MAP3K5: variants seen among roughly 807,000 people sequenced by gnomAD.
The protein encoded by MAP3K5 is ASK-1.
MAP3K5 carries 56 observed loss-of-function variants against 158.7 expected under a neutral mutation model. The observed-to-expected ratio is 0.35, with a 90% CI of 0.28 to 0.44. The LOEUF is 0.44. Among genes scored for constraint, MAP3K5 ranks in the 20% least tolerant of loss-of-function variants. The pLI, the probability that MAP3K5 is intolerant of heterozygous loss-of-function variation, is 1.00. For missense variants in MAP3K5, 1,294 were observed against 1,674.8 expected (o/e 0.77, Z 3.97); for synonymous variants, 579 against 601.7 (o/e 0.96, Z 0.55).
intron 7 of MAP3K5, among the ~76,000 whole-genome samples, chr6:136,679,769 C>T (rs543802103): frequency 9.9e-5 from 15 of 152,194 alleles, no homozygotes; most frequent in African/African-American, 2.4e-4. Context: ...TACTATTAAA[C>T]ATTTTTCAAA....
chr6:136,649,652 G>A (rs942122552), intron 11 of MAP3K5, among the ~76,000 whole-genome samples: 3 of 152,144 alleles, frequency 2.0e-5, no homozygotes, highest in African/African-American at 7.2e-5. Context: ...CCATTTAAAG[G>A]GCAAAGCAGG....
chr6:136,723,911 G>T (rs1363368039), intron 1 of MAP3K5, among the ~76,000 whole-genome samples: 1 of 152,014 alleles, frequency 6.6e-6, no homozygotes, highest in Non-Finnish European at 1.5e-5. Context: ...CAACATTTCT[G>T]CATCAAAAAT....
intron 14 of MAP3K5, among the ~76,000 whole-genome samples, chr6:136,627,997 G>A (rs1308430359): frequency 1.3e-5 from 2 of 152,104 alleles, no homozygotes; most frequent in African/African-American, 4.8e-5. Flanking sequence ...AATTAATCAA[G>A]TTATAGAAAA....
intron 18 of MAP3K5, among the ~76,000 whole-genome samples, chr6:136,610,761 A>G (rs977873073): frequency 1.3e-5 from 2 of 151,932 alleles, no homozygotes; most frequent in Admixed American, 6.6e-5. Flanking sequence ...TAAATACAGG[A>G]AGAGAAAAGG....
At chr6:136,706,344 A>ATTGAGTGAGATC (rs1781077311) in intron 2 of MAP3K5, among the ~76,000 whole-genome samples, 1 of 152,178 alleles carries the variant, frequency 6.6e-6, no homozygotes, top group Non-Finnish European at 1.5e-5. Flanking sequence ...AGATCATACA[A>ATTGAGTGAGATC]ATAATATAGC....
chr6:136,655,428 T>A (rs1378635121), intron 10 of MAP3K5, among the ~76,000 whole-genome samples: 2 of 152,234 alleles, frequency 1.3e-5, no homozygotes, highest in South Asian at 4.1e-4. Flanking sequence ...GAGTAAAGCA[T>A]GCTCATGTCA....
chr6:136,611,920 C>T (rs1442271545), intron 17 of MAP3K5, among the ~76,000 whole-genome samples: 1 of 152,198 alleles, frequency 6.6e-6, no homozygotes, highest in African/African-American at 2.4e-5. Flanking sequence ...CTATAATTGA[C>T]ATCACTATTG....
chr6:136,742,429 TG>T (rs1180893696), intron 1 of MAP3K5, among the ~76,000 whole-genome samples: 1 of 148,160 alleles, frequency 6.7e-6, no homozygotes, highest in African/African-American at 2.5e-5. Context: ...AACCTCTACA[TG>T]AAAAAAAAAA....
At chr6:136,674,069 G>GC (rs1779599789) in intron 7 of MAP3K5, among the ~76,000 whole-genome samples, 2 of 151,878 alleles carry the variant, frequency 1.3e-5, no homozygotes, top group African/African-American at 4.8e-5. Context: ...AGTAGACTTT[G>GC]CCGTACAAAC....
At chr6:136,644,455 A>G (rs1174676380) in intron 11 of MAP3K5, among the ~76,000 whole-genome samples, 2 of 152,216 alleles carry the variant, frequency 1.3e-5, no homozygotes, top group Non-Finnish European at 1.5e-5. Context: ...ACAGGCCTCA[A>G]ACCAACACTC....
At chr6:136,642,059 A>G (rs1777994703) in intron 12 of MAP3K5, among the ~76,000 whole-genome samples, 1 of 142,378 alleles carries the variant, frequency 7.0e-6, no homozygotes, top group South Asian at 2.1e-4. Context: ...ATAAAATAAA[A>G]TAAAATAAAA....
intron 11 of MAP3K5, among the ~76,000 whole-genome samples, chr6:136,646,090 G>A (rs1048535401): frequency 1.3e-5 from 2 of 152,112 alleles, no homozygotes; most frequent in Non-Finnish European, 2.9e-5. Flanking sequence ...GAAAATGGTA[G>A]TGATAATGAA....
At chr6:136,723,251 G>A (rs1196811988) in intron 1 of MAP3K5, among the ~76,000 whole-genome samples, 2 of 151,620 alleles carry the variant, frequency 1.3e-5, no homozygotes. Context: ...GGGATATCAT[G>A]AAACCAAAGA....
At chr6:136,581,142 A>C (rs1774858287) in intron 24 of MAP3K5, among the ~76,000 whole-genome samples, 1 of 152,242 alleles carries the variant, frequency 6.6e-6, no homozygotes, top group Non-Finnish European at 1.5e-5. Context: ...CAGTCCCTGA[A>C]AACAAGCATT....
At chr6:136,632,168 G>A (rs891874470) in intron 14 of MAP3K5, among the ~76,000 whole-genome samples, 1 of 152,144 alleles carries the variant, frequency 6.6e-6, no homozygotes, top group South Asian at 2.1e-4. Flanking sequence ...GGAAAGGAAA[G>A]GGGAAGCTAC....
intron 18 of MAP3K5, among the ~76,000 whole-genome samples, chr6:136,606,389 G>A (rs981785671): frequency 6.6e-6 from 1 of 152,078 alleles, no homozygotes; most frequent in Non-Finnish European, 1.5e-5. Flanking sequence ...ATGAAAAAGG[G>A]AAGAGCTTTA....
chr6:136,727,901 G>A (rs1297871489), intron 1 of MAP3K5, among the ~76,000 whole-genome samples: 1 of 151,864 alleles, frequency 6.6e-6, no homozygotes, highest in African/African-American at 2.4e-5. Flanking sequence ...GGCGCAGCTT[G>A]CAGTGAGCAG....
At chr6:136,601,603 T>C (rs1216097917) in intron 20 of MAP3K5, among the ~76,000 whole-genome samples, 199 bp downstream of exon 20, 1 of 152,236 alleles carries the variant, frequency 6.6e-6, no homozygotes, top group Non-Finnish European at 1.5e-5. Flanking sequence ...CTATTATGTA[T>C]GAGGTCCCAG....
intron 1 of MAP3K5, among the ~76,000 whole-genome samples, chr6:136,785,795 G>A (rs1221116939): frequency 6.6e-6 from 1 of 152,180 alleles, no homozygotes; most frequent in Non-Finnish European, 1.5e-5. Flanking sequence ...AGAGGTGGAT[G>A]AAAGCAAAAG....
Sources: gnomAD v4.1 joint callset for allele counts (sites outside exome capture counted in the v4.1 genomes callset) on GRCh38, gnomAD v4.1.1 for gene constraint, MANE v1.5 for transcripts, NCBI Gene and HGNC (gene_info 2026-07-23, HGNC 2026-07-21) for gene names.